The following ATG2B variants were observed in gnomAD, a reference collection of about 807,000 sequenced individuals.
ATG2B encodes the protein autophagy related 2B.
ATG2B carries 121 observed loss-of-function variants against 241.3 expected under a neutral mutation model. The ratio of observed to expected loss-of-function variants is 0.50; its 90% confidence interval spans 0.43 to 0.58. ATG2B has a LOEUF of 0.58. Among genes scored for constraint, ATG2B ranks in the 20% least tolerant of loss-of-function variants. The probability of loss-of-function intolerance (pLI) is 0.00; values close to 1 mark genes in which losing one functional copy is unlikely to be tolerated. For missense variants in ATG2B, 2,306 were observed against 2,491.6 expected (o/e 0.93, Z 1.59); for synonymous variants, 858 against 876.6 (o/e 0.98, Z 0.37).
intron 2 of ATG2B, 68 bp from the exon 3 acceptor site, chr14:96,345,453 A>C (rs1888146816): frequency 8.6e-7 from 1 of 1,168,062 alleles, no homozygotes; most frequent in Non-Finnish European, 1.2e-6. Context: ...TCTTAAAATA[A>C]TACATTTCAA....
intron 10 of ATG2B, 66 bp from the exon 11 acceptor site, chr14:96,331,703 C>A: frequency 8.3e-7 from 1 of 1,207,490 alleles, no homozygotes. Context: ...AATTATAAAA[C>A]ATTTACTCAT....
rs199773023 is a variant in ATG2B at position 96,328,526 on chromosome 14, C to T, written c.1984G>A (p.Ala662Thr). The T allele has an allele frequency of 1.9e-6, 3 of 1,583,786 alleles. No homozygotes were observed. Among genetic ancestry groups the T allele is most frequent in the Non-Finnish European group, 1.7e-6 (2 of 1,171,426 alleles). The change falls in exon 14 of 42, where the codon GCA becomes ACA. Residue 662 changes from alanine to threonine, a missense_variant. This residue lies in a region of ATG2B where 1,927 missense variants were observed against 2,011.2 expected (regional missense o/e 0.96). Coordinates refer to ENST00000359933, the MANE Select transcript of ATG2B (RefSeq NM_018036.7). The part of the protein sequence containing the change: ...SENRGPQGNQ[A>T]RLSSVPHKAE... The stretch of plus-strand genomic sequence containing the variant: ...TTGTGAGGAACTGAACTAAGTCTTG[C>T]TTGATTACCCTTTTAAAAAAAAAAA...
intron 1 of ATG2B, among the ~76,000 whole-genome samples, chr14:96,349,734 G>A (rs1015015020): frequency 9.2e-5 from 14 of 152,208 alleles, no homozygotes; most frequent in African/African-American, 3.4e-4. Flanking sequence ...TTAGAGGGAA[G>A]ATGAGAAGTT....
At chr14:96,315,109 C>A (rs748435185) in intron 23 of ATG2B, 45 bp downstream of exon 23, 49 of 1,451,648 alleles carry the variant, frequency 3.4e-5, no homozygotes, top group Non-Finnish European at 3.8e-6. Flanking sequence ...TAGATGTCAA[C>A]ACAAATTTTT....
intron 6 of ATG2B, among the ~76,000 whole-genome samples, chr14:96,336,197 C>G (rs1333797191): frequency 6.6e-6 from 1 of 151,056 alleles, no homozygotes; most frequent in African/African-American, 2.4e-5. Context: ...CATTTTGAAT[C>G]CACAGTTGAA....
At chr14:96,319,479 TA>T (rs770312792) in intron 18 of ATG2B, among the ~76,000 whole-genome samples, 8 of 152,070 alleles carry the variant, frequency 5.3e-5, no homozygotes, top group Non-Finnish European at 1.2e-4. Context: ...CTCCTGTACC[TA>T]AAACCATACT....
At chr14:96,356,349 C>G (rs1051097001) in intron 1 of ATG2B, among the ~76,000 whole-genome samples, 1 of 152,062 alleles carries the variant, frequency 6.6e-6, no homozygotes, top group Non-Finnish European at 1.5e-5. Context: ...AATTGAGGAT[C>G]AGAAAAACTA....
rs1402761236 is a variant in ATG2B, at chr14:96,309,548, T to G, written c.4208A>C (p.Glu1403Ala). ...RSSSRGPVLP[E>A]ADQQMLRDLM... ...ATCTCGTAACATTTGTTGATCTGCT[T>G]CAGGAAGTACTGGACCACGTGAGGA... Residue 1403 changes from glutamate (E) to alanine (A), a missense_variant, in exon 29 of 42, where the codon GAA becomes GCA. Glu to Ala is a moderately radical substitution (Grantham distance 107, BLOSUM62 -1). Around this residue, in one of 2 missense-constraint regions of ATG2B, gnomAD observed 1,927 missense variants for 2,011.2 expected, o/e 0.96. Coordinates refer to ENST00000359933, the MANE Select transcript of ATG2B (RefSeq NM_018036.7). 6.2e-7 allele frequency: 1 copy of G among 1,614,078 alleles called. No individual in the cohort carries two copies. Among genetic ancestry groups the G allele is most frequent in the Non-Finnish European group, 8.5e-7 (1 of 1,179,962 alleles).
In ATG2B at chr14:96,362,803, G is replaced by T; in HGVS notation, c.162+12C>A. 2 of 1,586,136 alleles carry T rather than the reference G, an allele frequency of 1.3e-6. No homozygotes were observed. The highest frequency in any genetic ancestry group is 1.7e-6 in the Non-Finnish European group (2 of 1,163,398). The stretch of plus-strand genomic sequence containing the variant: ...AGCGAGCCCCGCCCGGCTCGCCGCC[G>T]GCAGCTCTTACCCATTTGTCCAAGG... On this transcript the variant is annotated intron_variant, in intron 1 of 41. Coordinates refer to ENST00000359933, the MANE Select transcript of ATG2B (RefSeq NM_018036.7).
At chr14:96,297,677 G>A (rs1443906932) in intron 34 of ATG2B, among the ~76,000 whole-genome samples, 2 of 152,100 alleles carry the variant, frequency 1.3e-5, no homozygotes, top group Non-Finnish European at 2.9e-5. Flanking sequence ...GATTACAGGC[G>A]TGAGCCACCG....
intron 23 of ATG2B, among the ~76,000 whole-genome samples, chr14:96,313,838 T>C (rs1435392528): frequency 6.6e-6 from 1 of 152,228 alleles, no homozygotes; most frequent in Non-Finnish European, 1.5e-5. Flanking sequence ...AATGTATGCA[T>C]AATATAATTT....
At chr14:96,297,201 C>T (rs914351231) in intron 34 of ATG2B, among the ~76,000 whole-genome samples, 2 of 151,228 alleles carry the variant, frequency 1.3e-5, no homozygotes, top group Non-Finnish European at 2.9e-5. Context: ...TATTCTTTGG[C>T]CACTAGATGG....
chr14:96,362,722 G>C, intron 1 of ATG2B, 93 bp downstream of exon 1: 4 of 1,280,064 alleles, frequency 3.1e-6, no homozygotes, highest in Non-Finnish European at 4.3e-6. Flanking sequence ...TTCCCAAGGA[G>C]GGACTGACTG....
chr14:96,306,629 A>T, intron 30 of ATG2B, 85 bp downstream of exon 30: 1 of 1,210,982 alleles, frequency 8.3e-7, no homozygotes. Context: ...GAATTTACAA[A>T]ATCAACAGAA....
chr14:96,328,475 G>T lies in ATG2B; in HGVS notation c.2035C>A (p.Pro679Thr). ...HKAELQIKLN[P>T]VCCELDISIV... is the part of the protein sequence containing the mutation. Reference sequence around the variant, plus strand: ...CTGATATCCAGCTCACAACACACTGGATTTAATTTAATTTGCAATTCTGCC... The same window carrying T: ...CTGATATCCAGCTCACAACACACTGTATTTAATTTAATTTGCAATTCTGCC... Residue 679 changes from proline (P) to threonine (T), a missense_variant, in exon 14 of 42, where the codon CCA (proline) becomes ACA (threonine). Physicochemically the swap from Pro to Thr is conservative, Grantham distance 38. Coordinates refer to ENST00000359933, the MANE Select transcript of ATG2B (RefSeq NM_018036.7). 1 of 1,612,768 alleles carries T rather than the reference G, an allele frequency of 6.2e-7. No individual in the cohort carries two copies. The highest frequency in any genetic ancestry group is 8.5e-7 in the Non-Finnish European group (1 of 1,179,722).
At chr14:96,356,790 AAGAC>A (rs1322569287) in intron 1 of ATG2B, among the ~76,000 whole-genome samples, 2 of 152,118 alleles carry the variant, frequency 1.3e-5, no homozygotes, top group Non-Finnish European at 2.9e-5. Context: ...TAAAGTCAGA[AAGAC>A]AGGTTTCAAA....
At chr14:96,332,214 G>GAAA in intron 10 of ATG2B, 91 bp downstream of exon 10, 78 of 826,460 alleles carry the variant, frequency 9.4e-5, no homozygotes, top group African/African-American at 1.3e-4. Flanking sequence ...GCCAAGACCA[G>GAAA]AAAAAAAAAA....
At chr14:96,305,547 T>G in intron 31 of ATG2B, 42 bp downstream of exon 31, 2 of 1,327,572 alleles carry the variant, frequency 1.5e-6, no homozygotes, top group South Asian at 2.7e-5. Context: ...AAGAAAAGAA[T>G]ATATTGGCCT....
At chr14:96,321,755 G>A (rs368029595) in intron 18 of ATG2B, among the ~76,000 whole-genome samples, 1 of 152,128 alleles carries the variant, frequency 6.6e-6, no homozygotes, top group Non-Finnish European at 1.5e-5. Context: ...AATGAATGGG[G>A]TTCTGATTCT....
Sources: allele counts gnomAD v4.1 joint callset (sites outside exome capture counted in the v4.1 genomes callset), GRCh38; gene constraint gnomAD v4.1.1; regional missense constraint gnomAD v4.1.1; transcripts MANE v1.5; gene names NCBI Gene and HGNC (gene_info 2026-07-23, HGNC 2026-07-21).